The following SHISA9 variants were observed in gnomAD, a reference collection of about 807,000 sequenced individuals.
SHISA9 encodes protein shisa-9.
SHISA9 carries 13 observed loss-of-function variants against 38.0 expected under a neutral mutation model. The observed-to-expected ratio is 0.34, with a 90% CI of 0.22 to 0.54. The LOEUF is 0.54. SHISA9 is among the 20% of genes least tolerant of loss of function. The pLI is 0.91. For synonymous variants in SHISA9, 275 were observed against 242.0 expected (o/e 1.14, Z -1.27); for missense variants, 538 against 575.8 (o/e 0.93, Z 0.67).
intron 2 of SHISA9, among the ~76,000 whole-genome samples, chr16:13,033,847 T>A (rs1304620317): frequency 1.3e-5 from 2 of 152,200 alleles, no homozygotes; most frequent in African/African-American, 2.4e-5. Context: ...AAGAAGCTTA[T>A]TAAGATACCT....
intron 2 of SHISA9, among the ~76,000 whole-genome samples, chr16:12,942,152 G>GGTAAA (rs2071620008): frequency 6.6e-6 from 1 of 152,212 alleles, no homozygotes; most frequent in Non-Finnish European, 1.5e-5. Flanking sequence ...ATGCTGTGGA[G>GGTAAA]GACAGTTCTT....
At chr16:13,403,749 G>T in the SHISA9 span, among the ~76,000 whole-genome samples, 1 of 152,164 alleles carries the variant, frequency 6.6e-6, no homozygotes, top group East Asian at 1.9e-4. Flanking sequence ...CTAATTCAGG[G>T]TCTGAAATGG....
chr16:13,499,087 G>A, the SHISA9 span, among the ~76,000 whole-genome samples: 8 of 152,134 alleles, frequency 5.3e-5, no homozygotes, highest in African/African-American at 1.9e-4. Context: ...GTACACTTCT[G>A]GGGTACAGTA....
At chr16:13,121,480 A>G (rs2050210069) in intron 2 of SHISA9, among the ~76,000 whole-genome samples, 1 of 152,192 alleles carries the variant, frequency 6.6e-6, no homozygotes, top group Admixed American at 6.6e-5. Context: ...TGGCAGAGCA[A>G]GAACCCATCT....
intron 2 of SHISA9, among the ~76,000 whole-genome samples, chr16:13,188,995 C>T (rs1207896670): frequency 6.6e-6 from 1 of 152,054 alleles, no homozygotes; most frequent in Non-Finnish European, 1.5e-5. Context: ...CATGTGAAGA[C>T]AGAAGCAGAG....
At chr16:13,313,922 T>G in the SHISA9 span, among the ~76,000 whole-genome samples, 570 of 152,328 alleles carry the variant, frequency 3.7e-3, 4 homozygotes, top group African/African-American at 0.013. Context: ...TTAAAAGACT[T>G]GAATGGTAGC....
chr16:13,192,736 G>A (rs992054307), intron 2 of SHISA9, among the ~76,000 whole-genome samples: 3 of 152,072 alleles, frequency 2.0e-5, no homozygotes, highest in Admixed American at 6.6e-5. Flanking sequence ...TTACCCGGGC[G>A]TGGTGGCACG....
Position 13,201,608 on chromosome 16 carries a change from G to A in SHISA9, c.692-1786G>A, listed in dbSNP as rs187764402. On this transcript the variant is annotated intron_variant, in intron 2 of 4. Coordinates refer to ENST00000558583, the MANE Select transcript of SHISA9 (RefSeq NM_001145204.3). ...ACTGATGGCCTATGTAGTCTAAAATGCTTACTACCTGGCCCTTTACAGAAA... is the reference window on the plus strand; with the variant it reads ...ACTGATGGCCTATGTAGTCTAAAATACTTACTACCTGGCCCTTTACAGAAA... 2.3e-3 allele frequency among the ~76,000 whole-genome samples: 304 copies of A among 132,616 alleles called. 73 individuals carry two copies. The highest frequency in any genetic ancestry group is 8.6e-3 in the African/African-American group (288 of 33,408). 87.0% of individuals were successfully genotyped at this position (132,616 alleles called of 152,430 possible). A position where few individuals can be genotyped will look rare whatever the true frequency, so the allele number is the denominator to read the frequency against.
At chr16:13,231,212 C>G (rs959947138) in intron 4 of SHISA9, among the ~76,000 whole-genome samples, 20 of 152,152 alleles carry the variant, frequency 1.3e-4, no homozygotes, top group African/African-American at 4.8e-4. Context: ...GCTTAAGTGG[C>G]TAAGGGATGG....
At chr16:13,501,130 G>T in the SHISA9 span, among the ~76,000 whole-genome samples, 64 of 152,268 alleles carry the variant, frequency 4.2e-4, no homozygotes, top group African/African-American at 1.5e-3. Flanking sequence ...TCAACCAAGG[G>T]TGCATTTGCC....
the SHISA9 span, among the ~76,000 whole-genome samples, chr16:13,433,969 C>T: frequency 1.3e-4 from 20 of 152,288 alleles, no homozygotes; most frequent in African/African-American, 4.3e-4. Context: ...TTGACTCACA[C>T]GATCACAAGG....
chr16:12,973,400 C>A (rs2072111510), intron 2 of SHISA9, among the ~76,000 whole-genome samples: 1 of 152,180 alleles, frequency 6.6e-6, no homozygotes, highest in South Asian at 2.1e-4. Context: ...TCTAGTGCTG[C>A]TTGGGAAGTG....
the SHISA9 span, among the ~76,000 whole-genome samples, chr16:13,262,843 T>C: frequency 6.6e-6 from 1 of 152,114 alleles, no homozygotes; most frequent in Non-Finnish European, 1.5e-5. Context: ...AGTTGAGAGA[T>C]ATAAAGCTAA....
chr16:13,362,446 AAAAC>A, the SHISA9 span, among the ~76,000 whole-genome samples: 36 of 152,012 alleles, frequency 2.4e-4, no homozygotes, highest in African/African-American at 8.2e-4. Flanking sequence ...AAAACAAAAC[AAAAC>A]AAACAAACAA....
At chr16:13,340,772 A>G in the SHISA9 span, among the ~76,000 whole-genome samples, 1 of 152,174 alleles carries the variant, frequency 6.6e-6, no homozygotes, top group South Asian at 2.1e-4. Context: ...TGCTGCAGCC[A>G]CACTGGACTT....
At chr16:13,148,325 T>A (rs1195757395) in intron 2 of SHISA9, among the ~76,000 whole-genome samples, 1 of 152,020 alleles carries the variant, frequency 6.6e-6, no homozygotes, top group Non-Finnish European at 1.5e-5. Flanking sequence ...TGCCTTGGGT[T>A]CACACACTCT....
intron 2 of SHISA9, among the ~76,000 whole-genome samples, chr16:13,153,090 C>T (rs8062333): frequency 0.44 from 67,027 of 151,830 alleles, 16,292 homozygotes; most frequent in Non-Finnish European, 0.54. Context: ...GAAAATGATC[C>T]TACCCTCAAG....
intron 2 of SHISA9, among the ~76,000 whole-genome samples, chr16:13,015,479 G>A (rs1039134094): frequency 2.0e-5 from 3 of 152,156 alleles, no homozygotes; most frequent in Non-Finnish European, 4.4e-5. Flanking sequence ...GACTCCAGTC[G>A]GCATCTCCAA....
At chr16:12,999,870 A>T (rs55975026) in intron 2 of SHISA9, among the ~76,000 whole-genome samples, 1 of 152,158 alleles carries the variant, frequency 6.6e-6, no homozygotes, top group African/African-American at 2.4e-5. Flanking sequence ...ACTTTCTCTC[A>T]CATTCCATTG....
Sources: allele counts gnomAD v4.1 joint callset (sites outside exome capture counted in the v4.1 genomes callset), GRCh38; gene constraint gnomAD v4.1.1; transcripts MANE v1.5; gene names NCBI Gene and HGNC (gene_info 2026-07-23, HGNC 2026-07-21).